The following GBF1 variants were observed in gnomAD, a reference collection of about 807,000 sequenced individuals.
GBF1 encodes the protein golgi brefeldin A resistant guanine nucleotide exchange factor 1.
GBF1 carries 114 observed loss-of-function variants against 210.5 expected under a neutral mutation model. The observed-to-expected ratio is 0.54, with a 90% CI of 0.47 to 0.63. GBF1 has a LOEUF of 0.63. Ranked by LOEUF, GBF1 falls within the 30% of genes least tolerant of loss-of-function variation. The pLI is 0.00. For synonymous variants in GBF1, 850 were observed against 889.2 expected, an observed-to-expected ratio of 0.96 and a Z score of 0.78; for missense variants, 1,851 against 2,357.7, an observed-to-expected ratio of 0.79 and a Z score of 4.45.
chr10:102,300,088 G>A (rs933830759), intron 3 of GBF1, among the ~76,000 whole-genome samples: 3 of 152,148 alleles, frequency 2.0e-5, no homozygotes, highest in Non-Finnish European at 4.4e-5. Context: ...GACAGTGGAG[G>A]ATTAGGCCTA....
intron 3 of GBF1, among the ~76,000 whole-genome samples, chr10:102,286,204 T>A (rs202018807): frequency 6.8e-6 from 1 of 147,430 alleles, no homozygotes; most frequent in East Asian, 2.0e-4. Flanking sequence ...GTTTTTTTTT[T>A]TTTTTTTTTT....
At chr10:102,262,030 G>A (rs561434059) in intron 3 of GBF1, among the ~76,000 whole-genome samples, 2 of 152,288 alleles carry the variant, frequency 1.3e-5, no homozygotes, top group East Asian at 1.9e-4. Flanking sequence ...GATTATAGGC[G>A]TGTGCCACTA....
chr10:102,298,098 C>T (rs1236572126), intron 3 of GBF1, among the ~76,000 whole-genome samples: 3 of 152,088 alleles, frequency 2.0e-5, no homozygotes, highest in Non-Finnish European at 1.5e-5. Flanking sequence ...CCACGCCCAG[C>T]TAATTTTTGT....
chr10:102,269,452 T>G (rs941100355), intron 3 of GBF1, among the ~76,000 whole-genome samples: 4 of 152,262 alleles, frequency 2.6e-5, no homozygotes, highest in South Asian at 2.1e-4. Context: ...GGAAAGCAGC[T>G]TGGGAACTAG....
chr10:102,260,476 C>CTTTTTTTTTTTTTTTTTT (rs60452124), intron 3 of GBF1, among the ~76,000 whole-genome samples: 24 of 72,430 alleles, frequency 3.3e-4, no homozygotes, highest in African/African-American at 6.3e-4. Flanking sequence ...TTCCTTTCTT[C>CTTTTTTTTTTTTTTTTTT]TTTTTTTTTT....
intron 3 of GBF1, among the ~76,000 whole-genome samples, chr10:102,320,361 ACT>A (rs2056286306): frequency 6.6e-6 from 1 of 152,074 alleles, no homozygotes; most frequent in Admixed American, 6.6e-5. Flanking sequence ...ATTCTGAAAC[ACT>A]TGGTGTGGGT....
chr10:102,331,623 G>A (rs970081032), intron 3 of GBF1, among the ~76,000 whole-genome samples: 1 of 151,986 alleles, frequency 6.6e-6, no homozygotes, highest in Non-Finnish European at 1.5e-5. Flanking sequence ...AACAGGGTGG[G>A]TTGACCTTTG....
chr10:102,341,801 T>C (rs1254776406), intron 3 of GBF1, among the ~76,000 whole-genome samples: 1 of 152,158 alleles, frequency 6.6e-6, no homozygotes, highest in Non-Finnish European at 1.5e-5. Context: ...GTGGACCCCA[T>C]ATATAAAACT....
intron 3 of GBF1, among the ~76,000 whole-genome samples, chr10:102,296,912 G>A (rs962830196): frequency 6.6e-6 from 1 of 151,862 alleles, no homozygotes; most frequent in Non-Finnish European, 1.5e-5. Context: ...GGACCTGGTG[G>A]CGCGTGCCTA....
At chr10:102,301,271 C>T (rs1386286550) in intron 3 of GBF1, among the ~76,000 whole-genome samples, 1 of 152,160 alleles carries the variant, frequency 6.6e-6, no homozygotes, top group South Asian at 2.1e-4. Context: ...GGACACAGCA[C>T]ATGTTTCAGA....
intron 3 of GBF1, among the ~76,000 whole-genome samples, chr10:102,305,560 A>G (rs1316006729): frequency 1.3e-5 from 2 of 152,122 alleles, no homozygotes; most frequent in African/African-American, 2.4e-5. Flanking sequence ...AAGTGAGCCA[A>G]GATCATGCCA....
chr10:102,270,845 T>A (rs540195764), intron 3 of GBF1, among the ~76,000 whole-genome samples: 1 of 152,246 alleles, frequency 6.6e-6, no homozygotes, highest in African/African-American at 2.4e-5. Context: ...TAGGTAGTTA[T>A]GTCTTTTTAG....
intron 3 of GBF1, among the ~76,000 whole-genome samples, chr10:102,300,518 C>A (rs972370654): frequency 1.3e-5 from 2 of 152,160 alleles, no homozygotes; most frequent in Non-Finnish European, 2.9e-5. Flanking sequence ...GAACTCACAA[C>A]CTGAATCAAA....
chr10:102,277,704 C>T (rs1381560164), intron 3 of GBF1, among the ~76,000 whole-genome samples: 4 of 152,190 alleles, frequency 2.6e-5, no homozygotes, highest in Non-Finnish European at 5.9e-5. Flanking sequence ...TCCCTTAATA[C>T]TTCAGTGCAT....
At chr10:102,230,895 C>A in the GBF1 span, 2 of 1,611,212 alleles carry the variant, frequency 1.2e-6, no homozygotes, top group South Asian at 1.1e-5. Context: ...CCACGTTGAC[C>A]GAGTTGAAGG....
At chr10:102,350,410 G>A (rs1481078419) in intron 4 of GBF1, among the ~76,000 whole-genome samples, 1 of 151,620 alleles carries the variant, frequency 6.6e-6, no homozygotes, top group East Asian at 1.9e-4. Flanking sequence ...GAGTATTGGC[G>A]GCAGTGAGTG....
rs747353743 is a variant in GBF1, at chr10:102,366,429, T to C, written c.2356T>C (p.Tyr786His). ...GCGACTGGACGAAGCCCTCCGCCTC[T>C]ACCTGGAAGCCTTCCGTTTGCCTGG... ...GLRLDEALRL[Y>H]LEAFRLPGEA... is the part of the protein sequence containing the mutation. The change falls in exon 19 of 40, where the codon TAC (tyrosine) becomes CAC (histidine). Residue 786 changes from tyrosine (Y) to histidine (H), a missense_variant. Physicochemically the swap from Tyr to His is moderately conservative, Grantham distance 83 (BLOSUM62 2). This residue lies in a region of GBF1 where 80 missense variants were observed against 151.4 expected (regional missense o/e 0.53). Transcript: ENST00000369983. The surrounding 1 kb of genome is among the most constrained non-coding windows in gnomAD (Gnocchi z 4.0). 2 of 1,614,068 alleles carry C rather than the reference T, an allele frequency of 1.2e-6. No individual in the cohort carries two copies. The highest frequency in any genetic ancestry group is 8.5e-7 in the Non-Finnish European group (1 of 1,179,904).
chr10:102,351,166 A>G lies in GBF1; in HGVS notation c.296-90A>G, dbSNP rs1272739526. 8 of 760,070 alleles carry G rather than the reference A, an allele frequency of 1.1e-5. No individual in the cohort carries two copies. In the Admixed American group the frequency reaches 1.7e-4, roughly 16 times the overall value. 47.1% of individuals were successfully genotyped at this position (760,070 alleles called of 1,614,324 possible). ...GCCACGGGTTAGGGAACTGAAGAGG[A>G]AAAACTGTCTCTCAAAGCTAGACAG... On this transcript the variant is annotated intron_variant, in intron 4 of 39. Coordinates refer to ENST00000369983, the MANE Select transcript of GBF1 (RefSeq NM_001377137.1).
chr10:102,276,127 C>T (rs1380536050), intron 3 of GBF1, among the ~76,000 whole-genome samples: 1 of 152,092 alleles, frequency 6.6e-6, no homozygotes, highest in African/African-American at 2.4e-5. Flanking sequence ...ATCCCAGCTA[C>T]TGGGGAGGCT....
Sources: gnomAD v4.1 joint callset for allele counts (sites outside exome capture counted in the v4.1 genomes callset) on GRCh38, gnomAD v4.1.1 for gene constraint, gnomAD v4.1.1 regional missense constraint, Gnocchi (gnomAD v3.1) non-coding constraint, MANE v1.5 for transcripts, NCBI Gene and HGNC (gene_info 2026-07-23, HGNC 2026-07-21) for gene names.